The following DHRSX variants were observed in gnomAD, a reference collection of about 807,000 sequenced individuals.
DHRSX encodes dehydrogenase/reductase X-linked.
Under a neutral mutation model 34.0 loss-of-function variants are expected in DHRSX, and 31 were observed. That is an observed-to-expected ratio of 0.91 (90% CI 0.69 to 1.23). The LOEUF is 1.23. Among genes scored for constraint, DHRSX ranks in the 50% most tolerant of loss-of-function variants. The pLI is 0.00. For synonymous variants in DHRSX, 201 were observed against 183.8 expected (o/e 1.09, Z -0.76); for missense variants, 414 against 428.1 (o/e 0.97, Z 0.29).
At chrX:2,384,843 T>C (rs1177817479) in intron 3 of DHRSX, among the ~76,000 whole-genome samples, 1 of 150,912 alleles carries the variant, frequency 6.6e-6, no homozygotes, top group Non-Finnish European at 1.5e-5. Context: ...CACACCGGCA[T>C]GGCACATGTA....
At chrX:2,307,545 C>T (rs1298938942) in intron 3 of DHRSX, among the ~76,000 whole-genome samples, 1 of 151,912 alleles carries the variant, frequency 6.6e-6, no homozygotes, top group Non-Finnish European at 1.5e-5. Context: ...GGGTGGATCA[C>T]GAGGGGTCAG....
intron 6 of DHRSX, 28 bp downstream of exon 6, chrX:2,242,995 G>A (rs773936314): frequency 6.1e-5 from 98 of 1,603,976 alleles, no homozygotes; most frequent in East Asian, 8.9e-5. Flanking sequence ...AGGTGCAGCC[G>A]TGAATCAGAG....
intron 3 of DHRSX, among the ~76,000 whole-genome samples, chrX:2,393,017 A>G (rs2043354186): frequency 6.9e-6 from 1 of 145,894 alleles, no homozygotes; most frequent in Non-Finnish European, 1.5e-5. Flanking sequence ...TAACATACAT[A>G]TGAATGTGAA....
chrX:2,473,401 A>G (rs1455093860), intron 1 of DHRSX, among the ~76,000 whole-genome samples: 2 of 152,118 alleles, frequency 1.3e-5, no homozygotes, highest in Admixed American at 1.3e-4. Flanking sequence ...AGGCGGATGG[A>G]TCACCTGAAG....
intron 6 of DHRSX, among the ~76,000 whole-genome samples, chrX:2,226,136 G>A (rs1190373398): frequency 6.6e-6 from 1 of 152,112 alleles, no homozygotes. Context: ...TGGCAACCCC[G>A]GCAGATGGAG....
intron 1 of DHRSX, among the ~76,000 whole-genome samples, chrX:2,459,550 G>GTATA (rs57748851): frequency 0.061 from 8,427 of 137,302 alleles, 406 homozygotes; most frequent in East Asian, 0.24. Context: ...GTGTCTGTGT[G>GTATA]TATATATATA....
At chrX:2,243,520 T>C (rs1352102620) in intron 5 of DHRSX, among the ~76,000 whole-genome samples, 1 of 152,102 alleles carries the variant, frequency 6.6e-6, no homozygotes, top group Non-Finnish European at 1.5e-5. Flanking sequence ...GAGTCCCCCC[T>C]CTGTCGCCCA....
At chrX:2,402,416 G>T (rs2043497437) in intron 3 of DHRSX, among the ~76,000 whole-genome samples, 1 of 152,222 alleles carries the variant, frequency 6.6e-6, no homozygotes, top group Non-Finnish European at 1.5e-5. Flanking sequence ...GCTGAGGAGG[G>T]AAGGGATGCC....
chrX:2,291,552 A>G lies in DHRSX; in HGVS notation c.338T>C (p.Val113Ala), dbSNP rs1230696214. 2 of 1,613,850 alleles carry G rather than the reference A, an allele frequency of 1.2e-6. No individual in the cohort carries two copies. The highest frequency in any genetic ancestry group is 8.5e-7 in the Non-Finnish European group (1 of 1,179,852). ...AATCTTCTTCATCTTGAACTTCTGC[A>G]CAAACTGCCGGATGGAAGTCATGGA... ...LASMTSIRQF[V>A]QKFKMKKIPL... Residue 113 changes from valine to alanine, a missense_variant, in exon 4 of 7, where the codon GTG becomes GCG. Val to Ala is a moderately conservative substitution (Grantham distance 64). Coordinates refer to ENST00000334651, the MANE Select transcript of DHRSX (RefSeq NM_145177.3).
At chrX:2,275,534 A>C (rs915942784) in intron 4 of DHRSX, among the ~76,000 whole-genome samples, 15 of 150,046 alleles carry the variant, frequency 1.0e-4, no homozygotes, top group African/African-American at 2.0e-4. Context: ...AAAGGTGCAG[A>C]GATCATGAGG....
intron 3 of DHRSX, among the ~76,000 whole-genome samples, chrX:2,387,904 C>A (rs867614015): frequency 1.0e-3 from 76 of 73,866 alleles, no homozygotes; most frequent in South Asian, 2.2e-3. Flanking sequence ...CCCTCCCCTG[C>A]AAAAAAAAAA....
intron 1 of DHRSX, among the ~76,000 whole-genome samples, chrX:2,492,996 C>T (rs1033802288): frequency 2.0e-5 from 3 of 152,246 alleles, no homozygotes; most frequent in African/African-American, 7.2e-5. Context: ...CAACGGTGCC[C>T]GCCCAGTGCT....
chrX:2,434,003 C>T, intron 1 of DHRSX, among the ~76,000 whole-genome samples: 1 of 152,264 alleles, frequency 6.6e-6, no homozygotes. Context: ...TGGTCTCGAT[C>T]TCCTGATCTC....
At chrX:2,225,118 ACACTCATTCACATG>A (rs1288177483) in intron 6 of DHRSX, among the ~76,000 whole-genome samples, 7 of 149,554 alleles carry the variant, frequency 4.7e-5, no homozygotes, top group South Asian at 2.1e-4. Context: ...ACACATGCAC[ACACTCATTCACATG>A]CACTCATTCA....
chrX:2,465,591 C>T (rs2044480088), intron 1 of DHRSX, among the ~76,000 whole-genome samples: 1 of 151,648 alleles, frequency 6.6e-6, no homozygotes, highest in Non-Finnish European at 1.5e-5. Context: ...TCACTTGAGG[C>T]CAGGAGTTCG....
At chrX:2,452,217 A>G (rs1376382443) in intron 1 of DHRSX, among the ~76,000 whole-genome samples, 3 of 151,890 alleles carry the variant, frequency 2.0e-5, no homozygotes, top group Non-Finnish European at 4.4e-5. Flanking sequence ...TTCCCAAAAA[A>G]TGTGGCCAAG....
intron 1 of DHRSX, among the ~76,000 whole-genome samples, chrX:2,435,437 A>T (rs1171496510): frequency 6.8e-6 from 1 of 147,344 alleles, no homozygotes; most frequent in Non-Finnish European, 1.5e-5. Context: ...ATCTACAATG[A>T]TCTCAAAGTA....
chrX:2,316,710 G>C (rs2042245297), intron 3 of DHRSX, among the ~76,000 whole-genome samples: 1 of 152,134 alleles, frequency 6.6e-6, no homozygotes, highest in Admixed American at 6.6e-5. Context: ...TATGCCTAGT[G>C]TTCCATTATT....
chrX:2,391,129 A>G (rs2043330829), intron 3 of DHRSX, among the ~76,000 whole-genome samples: 1 of 152,166 alleles, frequency 6.6e-6, no homozygotes, highest in Non-Finnish European at 1.5e-5. Flanking sequence ...GTTTGTGCAA[A>G]TATCTGTTGG....
Sources: gnomAD v4.1 joint callset for allele counts (sites outside exome capture counted in the v4.1 genomes callset) on GRCh38, gnomAD v4.1.1 for gene constraint, MANE v1.5 for transcripts, NCBI Gene and HGNC (gene_info 2026-07-23, HGNC 2026-07-21) for gene names.